PRLR: variants seen among roughly 807,000 people sequenced by gnomAD.
PRLR encodes hPRL receptor.
Under a neutral mutation model 40.2 loss-of-function variants are expected in PRLR, and 13 were observed. The observed-to-expected ratio is 0.32, with a 90% CI of 0.21 to 0.51. PRLR has a LOEUF of 0.51. Ranked by LOEUF, PRLR falls within the 20% of genes least tolerant of loss-of-function variation. The pLI, the probability that PRLR is intolerant of heterozygous loss-of-function variation, is 0.97. For missense variants in PRLR, 656 were observed against 747.3 expected, an observed-to-expected ratio of 0.88 and a Z score of 1.42; for synonymous variants, 269 against 278.7, an observed-to-expected ratio of 0.97 and a Z score of 0.35.
At chr5:35,218,272 A>G (rs968524714) in intron 1 of PRLR, among the ~76,000 whole-genome samples, 1 of 152,160 alleles carries the variant, frequency 6.6e-6, no homozygotes, top group Non-Finnish European at 1.5e-5. Context: ...TTTTTTGAAA[A>G]TTAAAGTTGA....
chr5:35,126,799 T>C (rs547184982), intron 1 of PRLR, among the ~76,000 whole-genome samples: 2 of 152,342 alleles, frequency 1.3e-5, no homozygotes, highest in East Asian at 1.9e-4. Context: ...TATTAACAGC[T>C]AACATTGATT....
intron 2 of PRLR, among the ~76,000 whole-genome samples, chr5:35,101,096 C>A (rs1771849036): frequency 6.6e-6 from 1 of 152,202 alleles, no homozygotes; most frequent in African/African-American, 2.4e-5. Context: ...CAACGCCTGA[C>A]CCACTGCCAT....
At chr5:35,144,543 TC>T (rs1399178542) in intron 1 of PRLR, among the ~76,000 whole-genome samples, 1 of 152,114 alleles carries the variant, frequency 6.6e-6, no homozygotes. Flanking sequence ...AACCTCTGCC[TC>T]CCAGGTTCAA....
At chr5:35,053,113 T>C (rs921500118), downstream of PRLR, among the ~76,000 whole-genome samples, 1 of 152,180 alleles carries the variant, frequency 6.6e-6, no homozygotes, top group Non-Finnish European at 1.5e-5. Flanking sequence ...GAACTTTTCA[T>C]AGCATTCTCA....
exon 9 of PRLR, chr5:35,049,059 T>G: frequency 1.6e-6 from 1 of 641,608 alleles, no homozygotes; most frequent in Non-Finnish European, 2.9e-6. Flanking sequence ...GTATGTTACA[T>G]TCAATATAAT....
chr5:35,116,258 G>GTA (rs1466700391), intron 2 of PRLR, among the ~76,000 whole-genome samples: 2 of 152,022 alleles, frequency 1.3e-5, no homozygotes, highest in East Asian at 3.9e-4. Flanking sequence ...TTTGCCAATT[G>GTA]GTACCACAGA....
At chr5:35,069,087 A>G (rs1404125120) in intron 7 of PRLR, among the ~76,000 whole-genome samples, 1 of 152,136 alleles carries the variant, frequency 6.6e-6, no homozygotes, top group Non-Finnish European at 1.5e-5. Flanking sequence ...ATTTTATAGT[A>G]CTCTAAAAAT....
At chr5:35,090,809 T>A in intron 2 of PRLR, among the ~76,000 whole-genome samples, 1 of 101,504 alleles carries the variant, frequency 9.9e-6, no homozygotes, top group South Asian at 3.5e-4. Flanking sequence ...TTTTTTTTTT[T>A]TTTTTTTTTT....
chr5:35,195,317 G>C (rs1313843217), intron 1 of PRLR: 1 of 152,346 alleles, frequency 6.6e-6, no homozygotes, highest in Admixed American at 6.5e-5. Context: ...GAACAACACT[G>C]TCTCCCTGGA....
chr5:35,214,048 T>A (rs915512920), intron 1 of PRLR, among the ~76,000 whole-genome samples: 4 of 152,204 alleles, frequency 2.6e-5, no homozygotes, highest in Non-Finnish European at 5.9e-5. Flanking sequence ...CTAATGGTGC[T>A]GATATATTTC....
At chr5:35,105,223 C>T (rs569410972) in intron 2 of PRLR, among the ~76,000 whole-genome samples, 27 of 152,320 alleles carry the variant, frequency 1.8e-4, no homozygotes, top group Non-Finnish European at 2.9e-4. Context: ...ATCTGTACAT[C>T]ACCATCATCA....
intron 1 of PRLR, among the ~76,000 whole-genome samples, chr5:35,193,942 G>GT (rs1724041563): frequency 6.6e-6 from 1 of 152,094 alleles, no homozygotes; most frequent in African/African-American, 2.4e-5. Flanking sequence ...ATCTCCTTTG[G>GT]TTTTTCTGCT....
At chr5:35,086,564 T>G (rs1019179703) in intron 3 of PRLR, among the ~76,000 whole-genome samples, 11 of 151,160 alleles carry the variant, frequency 7.3e-5, no homozygotes, top group African/African-American at 2.4e-4. Context: ...TTTGCTGGTG[T>G]GTGTGTGTGT....
At chr5:35,073,577 C>T (rs140861000) in intron 5 of PRLR, among the ~76,000 whole-genome samples, 16 of 152,294 alleles carry the variant, frequency 1.1e-4, no homozygotes, top group African/African-American at 2.2e-4. Flanking sequence ...GGAAATTACT[C>T]GCCTAAGGTC....
intron 3 of PRLR, 45 bp downstream of exon 3, chr5:35,089,506 A>G (rs1160601577): frequency 7.1e-7 from 1 of 1,411,758 alleles, no homozygotes; most frequent in Non-Finnish European, 1.0e-6. Context: ...CCCTGTTGAC[A>G]AACACCCCAG....
rs988629460 is a variant in PRLR, at chr5:35,211,190, T to C, written c.-106+19078A>G. Among the ~76,000 whole-genome samples, 68 of 152,230 alleles carry C rather than the reference T, an allele frequency of 4.5e-4. 1 individual carries two copies. Among genetic ancestry groups the C allele is most frequent in the Non-Finnish European group, 1.5e-4 (10 of 68,036 alleles). ...CACTTTGCAAAAGTCAATGTTTTCT[T>C]TTCCTGTAGTCCATTTTTCTCTCCC... On this transcript the variant is annotated intron_variant, in intron 1 of 9. Coordinates refer to ENST00000618457, the MANE Select transcript of PRLR (RefSeq NM_000949.7).
In PRLR at chr5:35,062,753, A is replaced by T. The variant is rs557715572; in HGVS notation, c.*2336T>A. 47 of 152,312 alleles carry T rather than the reference A, an allele frequency of 3.1e-4. No individual in the cohort carries two copies. Among genetic ancestry groups the T allele is most frequent in the African/African-American group, 1.1e-3 (44 of 41,580 alleles). 9.4% of individuals were successfully genotyped at this position (152,312 alleles called of 1,614,324 possible). ...GTCTTTGGTTAATGTCTCTCAAGGT[A>T]GATTATATTCCTTGGCCTTTCAGAA... On this transcript the variant is annotated 3_prime_UTR_variant, in exon 10 of 10. Transcript: ENST00000618457.
intron 1 of PRLR, among the ~76,000 whole-genome samples, chr5:35,155,911 T>C (rs951881712): frequency 6.6e-6 from 1 of 152,174 alleles, no homozygotes; most frequent in African/African-American, 2.4e-5. Context: ...GACTGAAAAA[T>C]ATATAAATGC....
intron 1 of PRLR, among the ~76,000 whole-genome samples, chr5:35,189,763 T>C (rs1775550214): frequency 6.6e-6 from 1 of 152,064 alleles, no homozygotes; most frequent in South Asian, 2.1e-4. Flanking sequence ...TCTTCAGCCT[T>C]AGGTTCGTTA....
Sources: gnomAD v4.1 joint callset for allele counts (sites outside exome capture counted in the v4.1 genomes callset) on GRCh38, gnomAD v4.1.1 for gene constraint, MANE v1.5 for transcripts, NCBI Gene and HGNC (gene_info 2026-07-23, HGNC 2026-07-21) for gene names.